Variants in RPH3AL observed in about 807,000 individuals in gnomAD.
RPH3AL encodes the protein rab effector Noc2.
In RPH3AL, 38 loss-of-function variants were observed where a neutral mutation model predicts 43.1. The ratio of observed to expected loss-of-function variants is 0.88; its 90% CI spans 0.68 to 1.15. RPH3AL has a LOEUF of 1.15. Ranked by LOEUF, RPH3AL falls within the 50% of genes most tolerant of loss-of-function variation. RPH3AL has a pLI of 0.00. For synonymous variants in RPH3AL, 189 were observed against 176.3 expected (o/e 1.07, Z -0.57); for missense variants, 462 against 423.2 (o/e 1.09, Z -0.81).
At chr17:324,127 G>A (rs1414637173) in intron 3 of RPH3AL, among the ~76,000 whole-genome samples, 24 of 152,206 alleles carry the variant, frequency 1.6e-4, no homozygotes, top group Admixed American at 1.2e-3. Flanking sequence ...GGTGCGGAAC[G>A]TAGCTAGCTA....
At position 345,615 on chromosome 17, in the gene RPH3AL, T is replaced by C. The variant is rs372121019; in HGVS notation, c.-213+7097A>G. Among the ~76,000 whole-genome samples, 17 of 132,862 alleles carry C rather than the reference T, an allele frequency of 1.3e-4. 5 individuals are homozygous for C. Among genetic ancestry groups the C allele is most frequent in the Admixed American group, 1.1e-3 (16 of 13,952 alleles). 87.2% of individuals were successfully genotyped at this position (132,862 alleles called of 152,430 possible). On this transcript the variant is annotated intron_variant, in intron 1 of 9. Transcript: ENST00000331302. ...CTGAGGCTGAGAAGTGGGTGCCTGC[T>C]GGGGCACGCGTGCTCCCCATCTGCA...
At chr17:266,660 G>C (rs1423096353) in intron 6 of RPH3AL, among the ~76,000 whole-genome samples, 13 of 152,246 alleles carry the variant, frequency 8.5e-5, no homozygotes, top group African/African-American at 3.1e-4. Context: ...TGAGCAACCA[G>C]GTCAGTCTGG....
chr17:232,853 T>TGC (rs2041262724), intron 7 of RPH3AL, among the ~76,000 whole-genome samples: 2 of 116,806 alleles, frequency 1.7e-5, no homozygotes, highest in African/African-American at 5.5e-5. Context: ...TGTGTGTGTG[T>TGC]GTGTGTGTGT....
intron 7 of RPH3AL, among the ~76,000 whole-genome samples, chr17:238,228 AAAG>A (rs2041447789): frequency 6.6e-6 from 1 of 151,870 alleles, no homozygotes; most frequent in African/African-American, 2.4e-5. Flanking sequence ...AGGAAGGAGA[AAAG>A]AAAAGAGGGA....
At chr17:226,484 A>G (rs1567564552) in intron 7 of RPH3AL, among the ~76,000 whole-genome samples, 1 of 152,182 alleles carries the variant, frequency 6.6e-6, no homozygotes. Context: ...CCCAAATCCC[A>G]TTTCTAATCC....
chr17:278,399 G>A (rs1282384905), intron 6 of RPH3AL, among the ~76,000 whole-genome samples: 2 of 152,158 alleles, frequency 1.3e-5, no homozygotes, highest in Non-Finnish European at 2.9e-5. Context: ...CATGAGAACA[G>A]ACTAATACAT....
intron 5 of RPH3AL, among the ~76,000 whole-genome samples, chr17:311,472 C>T (rs752920185): frequency 5.3e-5 from 8 of 152,168 alleles, no homozygotes; most frequent in Non-Finnish European, 8.8e-5. Context: ...TCCAGGCAGC[C>T]CTCCTGGCTG....
chr17:306,506 G>A (rs1053488773), intron 5 of RPH3AL: 1 of 152,206 alleles, frequency 6.6e-6, no homozygotes, highest in Non-Finnish European at 1.5e-5. Flanking sequence ...GGTACCCCTA[G>A]AGTGAGCTCT....
chr17:222,544 G>GT (rs1364419953), intron 7 of RPH3AL, among the ~76,000 whole-genome samples: 2 of 152,190 alleles, frequency 1.3e-5, no homozygotes, highest in Non-Finnish European at 2.9e-5. Context: ...AATGGAAACC[G>GT]TATTTGGCTG....
At chr17:221,891 C>T (rs879579256) in intron 7 of RPH3AL, among the ~76,000 whole-genome samples, 3 of 53,148 alleles carry the variant, frequency 5.6e-5, no homozygotes, top group South Asian at 1.7e-3. Context: ...TAGACCCAAG[C>T]ACATCAGCTC....
At chr17:218,879 T>C (rs576961362) in intron 8 of RPH3AL, among the ~76,000 whole-genome samples, 1 of 152,300 alleles carries the variant, frequency 6.6e-6, no homozygotes, top group African/African-American at 2.4e-5. Context: ...AGGACTGACC[T>C]AGTGCAGGGA....
chr17:314,374 G>T (rs1337197247), intron 5 of RPH3AL, among the ~76,000 whole-genome samples: 1 of 152,120 alleles, frequency 6.6e-6, no homozygotes, highest in Non-Finnish European at 1.5e-5. Context: ...CACTGCCCGA[G>T]TCCTGCAAGT....
chr17:325,645 C>A (rs2044601988), intron 3 of RPH3AL, among the ~76,000 whole-genome samples: 1 of 152,222 alleles, frequency 6.6e-6, no homozygotes, highest in East Asian at 1.9e-4. Flanking sequence ...CCTGTTATCA[C>A]CGTCAAAGCA....
At chr17:214,285 C>T (rs2040739806) in intron 9 of RPH3AL, among the ~76,000 whole-genome samples, 1 of 152,170 alleles carries the variant, frequency 6.6e-6, no homozygotes, top group Admixed American at 6.5e-5. Context: ...GGCCACACAG[C>T]TTCCCCCTTT....
chr17:235,351 A>C (rs71372182), intron 7 of RPH3AL, among the ~76,000 whole-genome samples: 555 of 91,994 alleles, frequency 6.0e-3, no homozygotes, highest in Middle Eastern at 7.9e-3. Context: ...AGACGGATCC[A>C]GGGTTCAAAG....
chr17:253,142 C>A (rs191002731), intron 6 of RPH3AL, among the ~76,000 whole-genome samples: 212 of 152,268 alleles, frequency 1.4e-3, no homozygotes, highest in Non-Finnish European at 2.2e-4. Context: ...GAGAGGCATC[C>A]ATCAGGGCAT....
intron 5 of RPH3AL, among the ~76,000 whole-genome samples, chr17:286,595 G>C (rs2042918451): frequency 6.6e-6 from 1 of 152,218 alleles, no homozygotes; most frequent in Non-Finnish European, 1.5e-5. Flanking sequence ...TTCCAATAAA[G>C]AAAACGAAAC....
chr17:321,848 G>T (rs928570772), intron 3 of RPH3AL, among the ~76,000 whole-genome samples: 2 of 152,222 alleles, frequency 1.3e-5, no homozygotes, highest in East Asian at 3.9e-4. Flanking sequence ...ACCTTAGCCC[G>T]GGAGCCAGAA....
chr17:325,060 C>T (rs2044587452), intron 3 of RPH3AL, among the ~76,000 whole-genome samples: 1 of 152,100 alleles, frequency 6.6e-6, no homozygotes, highest in Non-Finnish European at 1.5e-5. Context: ...GGTTTCACCG[C>T]GTTGGTCAGG....
Sources: gnomAD v4.1 joint callset for allele counts (sites outside exome capture counted in the v4.1 genomes callset) on GRCh38, gnomAD v4.1.1 for gene constraint, MANE v1.5 for transcripts, NCBI Gene and HGNC (gene_info 2026-07-23, HGNC 2026-07-21) for gene names.